The following CLEC16A variants were observed in gnomAD, a reference collection of about 807,000 sequenced individuals.
CLEC16A encodes the protein C-type lectin domain containing 16A, also known as protein CLEC16A.
In CLEC16A, 51 loss-of-function variants were observed where a neutral mutation model predicts 109.5. That is an observed-to-expected ratio of 0.47 (90% confidence interval 0.37 to 0.59). The LOEUF (loss-of-function observed/expected upper bound fraction) is 0.59. CLEC16A is among the 20% of genes least tolerant of loss of function. The probability of loss-of-function intolerance (pLI) is 0.00; values close to 1 mark genes in which losing one functional copy is unlikely to be tolerated. For synonymous variants in CLEC16A, 673 were observed against 564.2 expected, an observed-to-expected ratio of 1.19 and a Z score of -2.73; for missense variants, 1,339 against 1,394.0, an observed-to-expected ratio of 0.96 and a Z score of 0.63.
intron 22 of CLEC16A, among the ~76,000 whole-genome samples, chr16:11,146,957 A>G (rs2054086414): frequency 6.6e-6 from 1 of 152,034 alleles, no homozygotes; most frequent in African/African-American, 2.4e-5. Context: ...GCCCTCAGGG[A>G]ACTGGCAGAT....
rs79329260 is a variant in CLEC16A at position 11,174,475 on chromosome 16, A to C, written c.2807-3860A>C. On this transcript the variant is annotated intron_variant, in intron 23 of 23. Transcript: ENST00000409790. The surrounding 1 kb of genome is among the most constrained non-coding windows in gnomAD (Gnocchi z 4.7). The stretch of plus-strand genomic sequence containing the variant: ...TCTGGCCTCACCTCATGTGAAGACC[A>C]GATCCCCGGCCCTTGACCTTCGCGA... Among the ~76,000 whole-genome samples, 5,907 of 152,342 alleles carry C rather than the reference A, an allele frequency of 0.039. 175 individuals carry two copies. The highest frequency in any genetic ancestry group is 0.059 in the Non-Finnish European group (4,036 of 68,028).
At chr16:10,963,796 T>C (rs2042369934) in intron 3 of CLEC16A, among the ~76,000 whole-genome samples, 1 of 152,168 alleles carries the variant, frequency 6.6e-6, no homozygotes, top group Admixed American at 6.5e-5. Flanking sequence ...TGGTCTTCAG[T>C]GAGGGGACAT....
intron 17 of CLEC16A, among the ~76,000 whole-genome samples, chr16:11,049,103 G>A (rs1294403148): frequency 6.6e-6 from 1 of 152,050 alleles, no homozygotes; most frequent in African/African-American, 2.4e-5. Context: ...TGCCTCTTGG[G>A]TTCAAGCAAT....
chr16:11,007,865 A>G (rs2045128847), intron 11 of CLEC16A, among the ~76,000 whole-genome samples: 1 of 152,156 alleles, frequency 6.6e-6, no homozygotes, highest in Non-Finnish European at 1.5e-5. Context: ...CAGCAGGCCC[A>G]GGCGCTGCAG....
chr16:11,165,253 G>A (rs1255533586), intron 22 of CLEC16A, among the ~76,000 whole-genome samples: 1 of 152,096 alleles, frequency 6.6e-6, no homozygotes, highest in African/African-American at 2.4e-5. Flanking sequence ...AACTTTGGGA[G>A]GCTGAAGCAG....
intron 3 of CLEC16A, 142 bp from the exon 4 acceptor site, chr16:10,969,019 A>T: frequency 1.6e-6 from 1 of 620,030 alleles, no homozygotes; most frequent in Non-Finnish European, 2.7e-6. Context: ...GTTAAAAGTT[A>T]AGCTCTTCCC....
chr16:11,104,914 C>T (rs956295013), intron 19 of CLEC16A, among the ~76,000 whole-genome samples: 1 of 152,198 alleles, frequency 6.6e-6, no homozygotes, highest in Non-Finnish European at 1.5e-5. Flanking sequence ...CAGAGGGCTT[C>T]CGAAGACCAG....
At position 11,174,018 on chromosome 16, in the gene CLEC16A, A is replaced by T; in HGVS notation, c.2807-4317A>T. On this transcript the variant is annotated intron_variant, in intron 23 of 23. Coordinates refer to ENST00000409790, the MANE Select transcript of CLEC16A (RefSeq NM_015226.3). This position sits in a 1 kb window ranked among gnomAD's most constrained non-coding sequence, Gnocchi z 4.7. ...CCCATGCACCGGTGGCCACAAGCCC[A>T]TGCTGGGCACTGCCCCACGACCCTC... 1 of 362,048 alleles carries T rather than the reference A, an allele frequency of 2.8e-6. No homozygotes were observed. The allele number at this position is 362,048 out of a possible 1,614,324, so 22.4% of individuals were successfully genotyped here.
chr16:11,113,078 A>G (rs1461198812), intron 19 of CLEC16A, among the ~76,000 whole-genome samples: 2 of 152,240 alleles, frequency 1.3e-5, no homozygotes, highest in East Asian at 3.8e-4. Context: ...TTGAACTCAC[A>G]GGTGTGACTG....
intron 10 of CLEC16A, 86 bp from the exon 11 acceptor site, chr16:11,002,988 A>C: frequency 9.5e-7 from 1 of 1,048,820 alleles, no homozygotes; most frequent in Non-Finnish European, 1.4e-6. Context: ...TGAGTTTCTT[A>C]GGACAGAAAC....
chr16:11,058,001 G>A (rs149346310), intron 18 of CLEC16A, among the ~76,000 whole-genome samples: 5 of 152,202 alleles, frequency 3.3e-5, no homozygotes, highest in African/African-American at 1.2e-4. Flanking sequence ...TGTTTTGGGT[G>A]TGGTGGGGTG....
At chr16:10,989,297 T>A (rs2043858183) in intron 10 of CLEC16A, among the ~76,000 whole-genome samples, 1 of 152,062 alleles carries the variant, frequency 6.6e-6, no homozygotes, top group East Asian at 1.9e-4. Context: ...CCTAGCTCAC[T>A]GCAGCCTCAG....
In CLEC16A at chr16:11,060,964, A is replaced by G. The variant is rs1276939765; in HGVS notation, c.2058A>G (p.Thr686=). 4.3e-6 allele frequency: 7 copies of G among 1,612,658 alleles called. No homozygotes were observed. Among genetic ancestry groups the G allele is most frequent in the Non-Finnish European group, 5.9e-6 (7 of 1,179,560 alleles). The change falls in exon 19 of 24, where the codon ACA becomes ACG. Residue 686 remains threonine (T), a synonymous_variant. Transcript: ENST00000409790. ...LSLQLRGEPE[T]QLPLTREEDL... ...TGCAATTGCGAGGGGAGCCTGAGAC[A>G]CAGTTGCCGCTGACTCGGGAGGAGG...
chr16:11,046,299 A>G (rs1008360650), intron 16 of CLEC16A, among the ~76,000 whole-genome samples: 3 of 152,160 alleles, frequency 2.0e-5, no homozygotes, highest in Non-Finnish European at 4.4e-5. Context: ...CTTTTATCCC[A>G]TAACATTTAT....
intron 10 of CLEC16A, among the ~76,000 whole-genome samples, chr16:11,002,430 TTAA>T (rs1387037048): frequency 5.3e-5 from 8 of 152,236 alleles, no homozygotes; most frequent in African/African-American, 1.7e-4. Flanking sequence ...GATGATGATG[TTAA>T]TAATGGGCAT....
At chr16:11,117,366 C>G (rs1423845784) in intron 19 of CLEC16A, among the ~76,000 whole-genome samples, 2 of 152,204 alleles carry the variant, frequency 1.3e-5, no homozygotes, top group South Asian at 2.1e-4. Flanking sequence ...CTACCCTCTT[C>G]TAATCAGAGG....
At position 11,125,912 on chromosome 16, in the gene CLEC16A, C is replaced by A. The variant is rs537950598; in HGVS notation, c.2474-67C>A. 1.1e-4 allele frequency: 24 copies of A among 225,594 alleles called. 1 individual carries two copies. The highest frequency in any genetic ancestry group is 4.6e-4 in the South Asian group (6 of 13,154). 14.0% of individuals were successfully genotyped at this position (225,594 alleles called of 1,614,324 possible). A position where few individuals can be genotyped will look rare whatever the true frequency, so the allele number is the denominator to read the frequency against. On this transcript the variant is annotated intron_variant, in intron 21 of 23. Transcript: ENST00000409790. ...CCACAGCCACTACGATGTCCCCCCCCCCAAATTCTCACCACCCCCCTCTAT... is the reference window on the plus strand; with the variant it reads ...CCACAGCCACTACGATGTCCCCCCCACCAAATTCTCACCACCCCCCTCTAT...
chr16:10,951,248 A>G (rs1319567770), intron 1 of CLEC16A, among the ~76,000 whole-genome samples: 1 of 152,226 alleles, frequency 6.6e-6, no homozygotes, highest in Non-Finnish European at 1.5e-5. Context: ...TCGGATATTG[A>G]GACTGCATCT....
chr16:11,058,147 T>C (rs1407177136), intron 18 of CLEC16A, among the ~76,000 whole-genome samples: 1 of 152,132 alleles, frequency 6.6e-6, no homozygotes, highest in Non-Finnish European at 1.5e-5. Flanking sequence ...CGAGTGGAGC[T>C]CCCCGCCCTG....
Sources: gnomAD v4.1 joint callset for allele counts (sites outside exome capture counted in the v4.1 genomes callset) on GRCh38, gnomAD v4.1.1 for gene constraint, Gnocchi (gnomAD v3.1) non-coding constraint, MANE v1.5 for transcripts, NCBI Gene and HGNC (gene_info 2026-07-23, HGNC 2026-07-21) for gene names.